The following XXYLT1 variants were observed in gnomAD, a reference collection of about 807,000 sequenced individuals.
XXYLT1 encodes the protein UDP-xylose:alpha-xyloside alpha-1,3-xylosyltransferase.
Under a neutral mutation model 28.9 loss-of-function variants are expected in XXYLT1, and 20 were observed. The observed-to-expected ratio is 0.69, with a 90% CI of 0.49 to 1.00. The LOEUF (loss-of-function observed/expected upper bound fraction) is 1.00. Ranked by LOEUF, XXYLT1 falls within the 50% of genes least tolerant of loss-of-function variation. XXYLT1 has a pLI of 0.00. For missense variants in XXYLT1, 542 were observed against 560.1 expected, an observed-to-expected ratio of 0.97 and a Z score of 0.33; for synonymous variants, 257 against 253.8, an observed-to-expected ratio of 1.01 and a Z score of -0.12.
rs1715203761 is a variant in XXYLT1 at position 195,077,728 on chromosome 3, C to T, written c.786-7617G>A. On this transcript the variant is annotated intron_variant, in intron 3 of 3. Coordinates refer to ENST00000310380, the MANE Select transcript of XXYLT1 (RefSeq NM_152531.5). This position sits in a 1 kb window ranked among gnomAD's most constrained non-coding sequence, Gnocchi z 4.8. Reference sequence around the variant, plus strand: ...AGCCCTTCAGCCCCCTGCAGGCGTCCGTTTCTCCAGAGCCCTGCAGAAGGG... The same window carrying T: ...AGCCCTTCAGCCCCCTGCAGGCGTCTGTTTCTCCAGAGCCCTGCAGAAGGG... Among the ~76,000 whole-genome samples the T allele has an allele frequency of 6.6e-6, 1 of 152,288 alleles. No individual in the cohort carries two copies. Among genetic ancestry groups the T allele is most frequent in the East Asian group, 1.9e-4 (1 of 5,174 alleles).
chr3:195,138,582 GT>G (rs1168823001), intron 3 of XXYLT1, among the ~76,000 whole-genome samples: 1 of 152,228 alleles, frequency 6.6e-6, no homozygotes, highest in Non-Finnish European at 1.5e-5. Context: ...TGGAGGCCAG[GT>G]GCAGTGGCTC....
intron 1 of XXYLT1, among the ~76,000 whole-genome samples, chr3:195,231,352 T>C (rs1724291254): frequency 6.6e-6 from 1 of 152,158 alleles, no homozygotes; most frequent in Non-Finnish European, 1.5e-5. Flanking sequence ...TTTGACTTCT[T>C]CCTTTCCCAT....
At chr3:195,198,611 T>C (rs1359726649) in intron 2 of XXYLT1, among the ~76,000 whole-genome samples, 1 of 152,220 alleles carries the variant, frequency 6.6e-6, no homozygotes, top group Non-Finnish European at 1.5e-5. Flanking sequence ...ATTAATTCAA[T>C]TAATGTTCAC....
At position 195,150,785 on chromosome 3, in the gene XXYLT1, C is replaced by T. The variant is rs1156305742; in HGVS notation, c.785+5664G>A. ...CAGCCCACATACGCACACACTCACA[C>T]ACATATGCACACTCTCACACACTCA... On this transcript the variant is annotated intron_variant, in intron 3 of 3. Transcript: ENST00000310380. The surrounding 1 kb of genome is among the most constrained non-coding windows in gnomAD (Gnocchi z 4.7). Among the ~76,000 whole-genome samples, 6 of 150,618 alleles carry T rather than the reference C, an allele frequency of 4.0e-5. No homozygotes were observed. The highest frequency in any genetic ancestry group is 2.0e-4 in the Admixed American group (3 of 15,142).
At chr3:195,181,301 G>GGCTGCGGA (rs979836618) in intron 2 of XXYLT1, among the ~76,000 whole-genome samples, 4 of 152,232 alleles carry the variant, frequency 2.6e-5, no homozygotes, top group Admixed American at 2.6e-4. Context: ...GGGGCTGCGG[G>GGCTGCGGA]GCTGCGGAGC....
intron 3 of XXYLT1, among the ~76,000 whole-genome samples, chr3:195,114,421 T>G (rs1441411648): frequency 1.3e-5 from 2 of 152,212 alleles, no homozygotes. Flanking sequence ...TTTCACTCCA[T>G]GTACTAAATA....
At chr3:195,237,629 G>A (rs927477124) in intron 1 of XXYLT1, among the ~76,000 whole-genome samples, 3 of 151,800 alleles carry the variant, frequency 2.0e-5, no homozygotes, top group Non-Finnish European at 4.4e-5. Flanking sequence ...TGGCCACCTT[G>A]CTCCACCTCC....
rs1489166614 is a variant in XXYLT1, at chr3:195,115,893, A to C, written c.785+40556T>G. 6.6e-6 allele frequency among the ~76,000 whole-genome samples: 1 copy of C among 152,186 alleles called. No homozygotes were observed. Among genetic ancestry groups the C allele is most frequent in the Non-Finnish European group, 1.5e-5 (1 of 68,034 alleles). On this transcript the variant is annotated intron_variant, in intron 3 of 3. Transcript: ENST00000310380. The surrounding 1 kb of genome is among the most constrained non-coding windows in gnomAD (Gnocchi z 4.2). ...GGCTGTCCTCAGGCTCAGGAGACAA[A>C]GACCGAGGACAGGTGACAGGGACAG...
intron 2 of XXYLT1, among the ~76,000 whole-genome samples, chr3:195,203,079 C>T (rs542352475): frequency 6.8e-4 from 104 of 152,024 alleles, no homozygotes; most frequent in African/African-American, 2.3e-3. Context: ...AAAGTGCTGG[C>T]ATTACAGGTG....
intron 2 of XXYLT1, among the ~76,000 whole-genome samples, chr3:195,221,319 T>C (rs929525916): frequency 3.9e-5 from 6 of 152,228 alleles, no homozygotes; most frequent in African/African-American, 1.4e-4. Context: ...CTCTTCATGT[T>C]GCCTGCCCTC....
intron 2 of XXYLT1, among the ~76,000 whole-genome samples, chr3:195,218,635 G>A (rs980979400): frequency 3.3e-5 from 5 of 152,168 alleles, no homozygotes; most frequent in Non-Finnish European, 7.3e-5. Context: ...ACACCGGTTC[G>A]AATGGCAATC....
chr3:195,212,195 C>G (rs1224504121), intron 2 of XXYLT1, among the ~76,000 whole-genome samples: 1 of 152,050 alleles, frequency 6.6e-6, no homozygotes, highest in Non-Finnish European at 1.5e-5. Flanking sequence ...GAGAGTGGCC[C>G]AGGTGGAGGG....
At chr3:195,265,432 G>A (rs943494004) in intron 1 of XXYLT1, among the ~76,000 whole-genome samples, 1 of 152,040 alleles carries the variant, frequency 6.6e-6, no homozygotes, top group Non-Finnish European at 1.5e-5. Context: ...TGAGGCTTGC[G>A]TTAGACAAGA....
At chr3:195,175,660 C>T (rs1721628929) in intron 2 of XXYLT1, 4 of 1,536,142 alleles carry the variant, frequency 2.6e-6, no homozygotes, top group Non-Finnish European at 3.5e-6. Context: ...ATCCTTGCAG[C>T]GAGGTGGCCA....
rs533706205 is a variant in XXYLT1, at chr3:195,245,159, ATT to A, written c.505-18305_505-18304del. Reference sequence around the variant, plus strand: ...TCAGCCTTATGTGTAGCCCAAGAAAATTTTTTTTTTTTTTTTTTTGAGACGGA... The same window carrying A: ...TCAGCCTTATGTGTAGCCCAAGAAAATTTTTTTTTTTTTTTTTGAGACGGA... On this transcript the variant is annotated intron_variant, in intron 1 of 3. Transcript: ENST00000310380. Among the ~76,000 whole-genome samples, 162 of 132,306 alleles carry A rather than the reference ATT, an allele frequency of 1.2e-3. 1 individual carries two copies. The Middle Eastern group carries it at 0.012, about 10-fold the overall frequency. 86.8% of individuals were successfully genotyped at this position (132,306 alleles called of 152,430 possible). A position where few individuals can be genotyped will look rare whatever the true frequency, so the allele number is the denominator to read the frequency against.
At chr3:195,118,901 G>A (rs1037024884) in intron 3 of XXYLT1, among the ~76,000 whole-genome samples, 1 of 152,198 alleles carries the variant, frequency 6.6e-6, no homozygotes, top group Admixed American at 6.5e-5. Flanking sequence ...TAAGAGCACT[G>A]CGTTCCTCTG....
At chr3:195,147,592 C>T (rs1335431425) in intron 3 of XXYLT1, among the ~76,000 whole-genome samples, 1 of 152,158 alleles carries the variant, frequency 6.6e-6, no homozygotes, top group Non-Finnish European at 1.5e-5. Context: ...CTGAGAATAA[C>T]AAACTTTCCC....
In XXYLT1 at chr3:195,159,622, C is replaced by G. The variant is rs114429421; in HGVS notation, c.653-3041G>C. Among the ~76,000 whole-genome samples the G allele has an allele frequency of 9.5e-3, 1,441 of 152,300 alleles. 16 individuals carry two copies. The highest frequency in any genetic ancestry group is 0.033 in the African/African-American group (1,374 of 41,572). On this transcript the variant is annotated intron_variant, in intron 2 of 3. Coordinates refer to ENST00000310380, the MANE Select transcript of XXYLT1 (RefSeq NM_152531.5). ...TACAAGCTAAAGGTGTAGCTTTCAA[C>G]ACCTCCAAGACCCTGTCACCATCAT...
At chr3:195,136,340 A>T (rs1458486970) in intron 3 of XXYLT1, among the ~76,000 whole-genome samples, 1 of 152,174 alleles carries the variant, frequency 6.6e-6, no homozygotes, top group East Asian at 1.9e-4. Flanking sequence ...CCAAAAAAAT[A>T]AATGGGACTC....
Sources: gnomAD v4.1 joint callset for allele counts (sites outside exome capture counted in the v4.1 genomes callset) on GRCh38, gnomAD v4.1.1 for gene constraint, Gnocchi (gnomAD v3.1) non-coding constraint, MANE v1.5 for transcripts, NCBI Gene and HGNC (gene_info 2026-07-23, HGNC 2026-07-21) for gene names.